ATXN7L3: variants seen among roughly 807,000 people sequenced by gnomAD.
ATXN7L3 encodes the protein ataxin-7-like protein 3.
In ATXN7L3, 6 loss-of-function variants were observed where a neutral mutation model predicts 50.0. That is an observed-to-expected ratio of 0.12 (90% CI 0.07 to 0.24). ATXN7L3 has a LOEUF of 0.24. Among genes scored for constraint, ATXN7L3 ranks in the 10% least tolerant of loss-of-function variants. ATXN7L3 has a pLI of 1.00. For missense variants in ATXN7L3, 322 were observed against 451.3 expected (o/e 0.71, Z 2.60); for synonymous variants, 198 against 165.8 (o/e 1.19, Z -1.49).
At chr17:44,199,199 C>G (rs2056046762) in intron 1 of ATXN7L3, 1 of 151,426 alleles carries the variant, frequency 6.6e-6, no homozygotes, top group Non-Finnish European at 1.5e-5. Flanking sequence ...GAGAGGAGTC[C>G]GGGAGGGTGT....
At position 44,194,870 on chromosome 17, in the gene ATXN7L3, G is replaced by A. The variant is rs6503491; in HGVS notation, c.666-31C>T. 2.7e-4 allele frequency: 441 copies of A among 1,612,076 alleles called. 3 individuals are homozygous for A. The African/African-American group carries it at 5.0e-3, about 18-fold the overall frequency. ...GGTGAGGCAAGGCAGGGAGGGTTCT[G>A]AGGAACTCAGGTAAAGCCCCTCCCC... On this transcript the variant is annotated intron_variant, in intron 10 of 12. Transcript: ENST00000587097.
At chr17:44,194,932 G>T in intron 10 of ATXN7L3, 93 bp from the exon 11 acceptor site, 1 of 1,513,234 alleles carries the variant, frequency 6.6e-7, no homozygotes, top group South Asian at 1.1e-5. Flanking sequence ...GACAGGGAAG[G>T]GGTGAATGCA....
chr17:44,195,256 G>A, intron 9 of ATXN7L3, 116 bp from the exon 10 acceptor site: 4 of 1,368,802 alleles, frequency 2.9e-6, no homozygotes, highest in African/African-American at 2.9e-5. Flanking sequence ...AAGGTGTCCA[G>A]AGCAGATGGT....
intron 7 of ATXN7L3, 89 bp downstream of exon 7, chr17:44,195,945 C>T (rs2055871045): frequency 6.4e-7 from 1 of 1,560,554 alleles, no homozygotes; most frequent in South Asian, 1.2e-5. Context: ...TCCCTCAATT[C>T]CCCTATCCCC....
chr17:44,194,606 A>T lies in ATXN7L3; in HGVS notation c.806T>A (p.Ile269Asn). The change falls in exon 12 of 13, where the codon ATC (isoleucine) becomes AAC (asparagine). Residue 269 changes from isoleucine (I) to asparagine (N), a missense_variant. Around this residue, in one of 5 missense-constraint regions of ATXN7L3, gnomAD observed 122 missense variants for 130.8 expected, o/e 0.93. Coordinates refer to ENST00000587097, the MANE Select transcript of ATXN7L3 (RefSeq NM_001382309.1). ...SFDMTDSQAL[I>N]SRLQWDGSSD... Reference sequence around the variant, plus strand: ...GGAGCCGTCCCACTGAAGCCGGCTGATCAGGGCCTGGCTGTCAGTCATGTC... The same window carrying T: ...GGAGCCGTCCCACTGAAGCCGGCTGTTCAGGGCCTGGCTGTCAGTCATGTC... 1 of 1,613,902 alleles carries T rather than the reference A, an allele frequency of 6.2e-7. No homozygotes were observed. Among genetic ancestry groups the T allele is most frequent in the Non-Finnish European group, 8.5e-7 (1 of 1,180,022 alleles).
chr17:44,196,226 T>TCCCCCCCCCC, intron 6 of ATXN7L3, 147 bp from the exon 7 acceptor site: 5 of 737,692 alleles, frequency 6.8e-6, no homozygotes, highest in Non-Finnish European at 1.1e-5. Context: ...CCATGTGCCC[T>TCCCCCCCCCC]CCCCCACCCC....
chr17:44,196,986 G>T lies in ATXN7L3; in HGVS notation c.397C>A (p.Gln133Lys). ...SNNMNKSESD[Q>K]EDNDDINDND... The stretch of plus-strand genomic sequence containing the variant: ...TCATTGATGTCATCATTATCTTCTT[G>T]GTCACTCTCAGACTTATTCATATTG... Residue 133 changes from glutamine (Q) to lysine (K), a missense_variant, in exon 5 of 13, where the codon CAA becomes AAA. Gln to Lys is a moderately conservative substitution (Grantham distance 53). Around this residue, in one of 5 missense-constraint regions of ATXN7L3, gnomAD observed 95 missense variants for 98.1 expected, o/e 0.97. Transcript: ENST00000587097. The T allele has an allele frequency of 6.2e-7, 1 of 1,613,238 alleles. No individual in the cohort carries two copies. The highest frequency in any genetic ancestry group is 1.1e-5 in the South Asian group (1 of 91,022).
At position 44,194,521 on chromosome 17, in the gene ATXN7L3, A is replaced by C; in HGVS notation, c.891T>G (p.Gly297=). 6.2e-7 allele frequency: 1 copy of C among 1,613,290 alleles called. No homozygotes were observed. The highest frequency in any genetic ancestry group is 8.5e-7 in the Non-Finnish European group (1 of 1,179,888). The change falls in exon 12 of 13, where the codon GGT becomes GGG. Residue 297 remains glycine, a synonymous_variant. Transcript: ENST00000587097. The stretch of plus-strand genomic sequence containing the variant: ...GGGCCCAACTGCATCACGTACCTAG[A>C]CCCCATCCCTGATTTTCACTCGTCT... ...SSKTSENQGW[G]LGTNSSESRK...
intron 2 of ATXN7L3, 50 bp from the exon 3 acceptor site, chr17:44,197,780 G>A (rs369066528): frequency 6.2e-7 from 1 of 1,611,566 alleles, no homozygotes; most frequent in Non-Finnish European, 8.5e-7. Flanking sequence ...CAGCCCCCTG[G>A]ACTCTCACCA....
chr17:44,195,746 A>G (rs2055862646), intron 8 of ATXN7L3, 54 bp downstream of exon 8: 1 of 1,546,674 alleles, frequency 6.5e-7, no homozygotes, highest in African/African-American at 1.4e-5. Flanking sequence ...CCAAATCCCC[A>G]CCACCTCACA....
rs957284075 is a variant in ATXN7L3 at position 44,192,649 on chromosome 17, C to T, written c.*1614G>A. 1 of 152,202 alleles carries T rather than the reference C, an allele frequency of 6.6e-6. No homozygotes were observed. The highest frequency in any genetic ancestry group is 1.5e-5 in the Non-Finnish European group (1 of 68,034). The allele number at this position is 152,202 out of a possible 1,614,324, so 9.4% of individuals were successfully genotyped here. A position where few individuals can be genotyped will look rare whatever the true frequency, so the allele number is the denominator to read the frequency against. ...CTAACTCCTGCCAAAATCTGTTTGG[C>T]TTTTTAAAAAATAATCACAATTTGT... On this transcript the variant is annotated 3_prime_UTR_variant, in exon 13 of 13. Transcript: ENST00000587097.
intron 1 of ATXN7L3, chr17:44,198,342 C>G (rs1484014600): frequency 2.2e-6 from 1 of 444,814 alleles, no homozygotes; most frequent in Non-Finnish European, 4.0e-6. Flanking sequence ...GCCCTGGACT[C>G]CACTGCCAAT....
rs937225260 is a variant in ATXN7L3, at chr17:44,197,877, C to T, written c.51+143G>A. ...CTTGACTTCGTGTTCTTTCTTCTTCCTGGATCCTTGGCTTTTTCAGCTGGC... is the reference window on the plus strand; with the variant it reads ...CTTGACTTCGTGTTCTTTCTTCTTCTTGGATCCTTGGCTTTTTCAGCTGGC... On this transcript the variant is annotated intron_variant, in intron 2 of 12. Transcript: ENST00000587097. The T allele has an allele frequency of 5.9e-6, 9 of 1,523,176 alleles. No homozygotes were observed. In the Admixed American group the frequency reaches 1.7e-4, roughly 28 times the overall value. 94.4% of individuals were successfully genotyped at this position (1,523,176 alleles called of 1,614,324 possible). A position where few individuals can be genotyped will look rare whatever the true frequency, so the allele number is the denominator to read the frequency against.
chr17:44,194,468 C>T, intron 12 of ATXN7L3, 49 bp downstream of exon 12: 1 of 1,613,004 alleles, frequency 6.2e-7, no homozygotes, highest in Non-Finnish European at 8.5e-7. Flanking sequence ...GAGGTGGCAC[C>T]CCCATGGCTT....
In ATXN7L3 at chr17:44,194,219, G is replaced by A. The variant is rs749230312; in HGVS notation, c.*44C>T. 3 of 1,605,542 alleles carry A rather than the reference G, an allele frequency of 1.9e-6. No homozygotes were observed. The highest frequency in any genetic ancestry group is 2.7e-5 in the African/African-American group (2 of 74,772). ...GCTATGCCACCTGGGTGGGGGTCAG[G>A]AGAGAGGGCTCTGCTCAGCCAAAGG... On this transcript the variant is annotated 3_prime_UTR_variant, in exon 13 of 13. Transcript: ENST00000587097.
intron 1 of ATXN7L3, chr17:44,198,407 C>G (rs578147810): frequency 4.3e-5 from 13 of 303,496 alleles, no homozygotes; most frequent in South Asian, 3.6e-4. Context: ...AAAACTCAAA[C>G]CCCTCTTTGA....
chr17:44,195,863 T>G, intron 7 of ATXN7L3, 35 bp from the exon 8 acceptor site: 1 of 1,605,762 alleles, frequency 6.2e-7, no homozygotes, highest in East Asian at 2.2e-5. Flanking sequence ...GGGTGTTTGA[T>G]GCAGAGGTAC....
chr17:44,194,930 A>C (rs2055828650), intron 10 of ATXN7L3, 91 bp from the exon 11 acceptor site: 1 of 1,515,852 alleles, frequency 6.6e-7, no homozygotes, highest in African/African-American at 1.4e-5. Flanking sequence ...CAGACAGGGA[A>C]GGGGTGAATG....
In ATXN7L3 at chr17:44,192,765, A is replaced by G. The variant is rs866254336; in HGVS notation, c.*1498T>C. The G allele has an allele frequency of 5.9e-5, 9 of 152,228 alleles. No individual in the cohort carries two copies. Among genetic ancestry groups the G allele is most frequent in the Non-Finnish European group, 1.0e-4 (7 of 68,052 alleles). The allele number at this position is 152,228 out of a possible 1,614,324, so 9.4% of individuals were successfully genotyped here. ...GTTCCAGACAGGGCATTGCAGCCCC[A>G]TCTCTGTTGTTCCCTTAACCCTCTA... On this transcript the variant is annotated 3_prime_UTR_variant, in exon 13 of 13. Coordinates refer to ENST00000587097, the MANE Select transcript of ATXN7L3 (RefSeq NM_001382309.1).
Sources: allele counts gnomAD v4.1 joint callset, GRCh38; gene constraint gnomAD v4.1.1; regional missense constraint gnomAD v4.1.1; transcripts MANE v1.5; gene names NCBI Gene and HGNC (gene_info 2026-07-23, HGNC 2026-07-21).